The following COPA variants were observed in gnomAD, a reference collection of about 807,000 sequenced individuals.
The protein encoded by COPA is coat protein complex I subunit alpha, also known as coatomer subunit alpha.
A neutral mutation model predicts 158.7 loss-of-function variants in COPA; 10 were observed. That is an observed-to-expected ratio of 0.06 (90% CI 0.04 to 0.11). The LOEUF is 0.11. COPA is among the 10% of genes least tolerant of loss of function. COPA has a pLI of 1.00. For synonymous variants in COPA, 462 were observed against 542.8 expected (o/e 0.85, Z 2.07); for missense variants, 1,065 against 1,536.7 (o/e 0.69, Z 5.13).
Position 160,298,971 on chromosome 1 carries a change from A to G in COPA, c.1851T>C (p.Asn617=). The G allele has an allele frequency of 6.2e-7, 1 of 1,614,160 alleles. No homozygotes were observed. Among genetic ancestry groups the G allele is most frequent in the South Asian group, 1.1e-5 (1 of 91,080 alleles). ...TAATAGACTGGCCAACTAGTTTGGC[A>G]TTCCTCACCATGTGCAGTACCTAGA... ...KYDEVLHMVR[N]AKLVGQSIIA... Residue 617 remains asparagine (N), a synonymous_variant, in exon 19 of 33, where the codon AAT becomes AAC. Coordinates refer to ENST00000241704, the MANE Select transcript of COPA (RefSeq NM_004371.4).
intron 31 of COPA, 30 bp from the exon 32 acceptor site, chr1:160,290,716 C>A (rs766239419): frequency 8.7e-6 from 14 of 1,600,922 alleles, no homozygotes; most frequent in Non-Finnish European, 1.2e-5. Flanking sequence ...TTTAGGAGGA[C>A]AGAAGGCTGC....
chr1:160,313,839 T>C (rs571862166), intron 9 of COPA, 151 bp downstream of exon 9: 5 of 619,718 alleles, frequency 8.1e-6, no homozygotes, highest in East Asian at 3.3e-5. Context: ...TTTGTAAATG[T>C]TGACTGATCT....
intron 17 of COPA, among the ~76,000 whole-genome samples, chr1:160,300,392 T>TAAATAAAA (rs59640389): frequency 6.8e-6 from 1 of 146,028 alleles, no homozygotes; most frequent in African/African-American, 2.5e-5. Flanking sequence ...AATAAATAAA[T>TAAATAAAA]AGAAGGATCA....
intron 3 of COPA, 102 bp downstream of exon 3, chr1:160,339,807 C>T (rs1647950858): frequency 9.6e-7 from 1 of 1,041,764 alleles, no homozygotes; most frequent in Non-Finnish European, 1.5e-6. Context: ...AAGGCCTGAG[C>T]TCTGTATGAA....
At chr1:160,294,379 G>A (rs1360068316) in intron 25 of COPA, 105 bp downstream of exon 25, 1 of 927,002 alleles carries the variant, frequency 1.1e-6, no homozygotes. Flanking sequence ...GATAGTGGTA[G>A]GGGATAGGAT....
chr1:160,296,763 C>T (rs1658432771), intron 21 of COPA, among the ~76,000 whole-genome samples: 1 of 152,174 alleles, frequency 6.6e-6, no homozygotes, highest in African/African-American at 2.4e-5. Flanking sequence ...TCCATCCGTG[C>T]TGAGAACCTT....
intron 6 of COPA, among the ~76,000 whole-genome samples, chr1:160,327,262 C>T (rs181567404): frequency 9.2e-5 from 14 of 152,294 alleles, no homozygotes; most frequent in African/African-American, 3.4e-4. Flanking sequence ...AAAGGCTGGG[C>T]GCAGTGGCTC....
At chr1:160,331,843 G>C (rs1012785057) in intron 6 of COPA, among the ~76,000 whole-genome samples, 1 of 151,912 alleles carries the variant, frequency 6.6e-6, no homozygotes, top group Non-Finnish European at 1.5e-5. Flanking sequence ...AGCTACTCAG[G>C]AGGCTGAGGG....
At chr1:160,307,065 C>CG (rs1307666066) in intron 14 of COPA, 98 bp downstream of exon 14, 20 of 1,199,434 alleles carry the variant, frequency 1.7e-5, no homozygotes, top group African/African-American at 1.2e-4. Context: ...CACGGCTGCC[C>CG]GGGGGAGAAC....
intron 17 of COPA, 57 bp downstream of exon 17, chr1:160,305,376 G>A (rs1028489601): frequency 1.3e-6 from 2 of 1,562,034 alleles, no homozygotes; most frequent in Admixed American, 3.4e-5. Context: ...CTCAAGACAA[G>A]ACAGTGATTT....
chr1:160,343,020 G>C, intron 1 of COPA, 111 bp downstream of exon 1: 1 of 1,298,704 alleles, frequency 7.7e-7, no homozygotes, highest in Non-Finnish European at 1.1e-6. Context: ...CTTCCTCCGG[G>C]TCCGTCTGGT....
In COPA at chr1:160,290,683, G is replaced by C; in HGVS notation, c.3424C>G (p.Arg1142Gly). Residue 1142 changes from arginine to glycine, a missense_variant, in exon 32 of 33, where the codon CGA (arginine) becomes GGA (glycine). Transcript: ENST00000241704. ...GPKPEVAQQT[R>G]KILSACEKNP... ...TTCTCACAGGCAGACAGGATTTTTC[G>C]GGTCTAGGGGAAGGAAGGAGTATTT... 1 of 1,613,868 alleles carries C rather than the reference G, an allele frequency of 6.2e-7. No homozygotes were observed. The highest frequency in any genetic ancestry group is 2.2e-5 in the East Asian group (1 of 44,884).
chr1:160,304,423 T>TG, intron 17 of COPA, among the ~76,000 whole-genome samples: 1 of 151,764 alleles, frequency 6.6e-6, no homozygotes, highest in East Asian at 2.0e-4. Flanking sequence ...CCCAGCACTT[T>TG]GGGGGGCCAA....
intron 1 of COPA, among the ~76,000 whole-genome samples, chr1:160,341,851 A>G (rs1384742262): frequency 6.6e-6 from 1 of 152,178 alleles, no homozygotes; most frequent in Non-Finnish European, 1.5e-5. Flanking sequence ...ACACTCAACA[A>G]TGGATGTTTG....
intron 27 of COPA, 22 bp from the exon 28 acceptor site, chr1:160,292,642 A>T: frequency 1.3e-6 from 2 of 1,565,666 alleles, no homozygotes; most frequent in Non-Finnish European, 1.7e-6. Context: ...GGAAAGAAAC[A>T]AGGATTTTGG....
chr1:160,316,271 T>G (rs991863851), intron 8 of COPA, among the ~76,000 whole-genome samples: 1 of 151,396 alleles, frequency 6.6e-6, no homozygotes, highest in Non-Finnish European at 1.5e-5. Context: ...GGCAGGAGAA[T>G]CACTTGAACC....
Position 160,343,153 on chromosome 1 carries a change from C to A in COPA, c.18G>T (p.Glu6Asp). The change falls in exon 1 of 33, where the codon GAG (glutamate) becomes GAT (aspartate). Residue 6 changes from glutamate (E) to aspartate (D), a missense_variant. Around this residue, in one of 2 missense-constraint regions of COPA, gnomAD observed 85 missense variants for 178.9 expected, o/e 0.48. Transcript: ENST00000241704. Reference sequence around the variant, plus strand: ...TACCTTTGACCCGCGCGCTCTTGGTCTCGAATTTGGTTAACATCTCTCAGG... The same window carrying A: ...TACCTTTGACCCGCGCGCTCTTGGTATCGAATTTGGTTAACATCTCTCAGG... MLTKF[E>D]TKSARVKGLS... is the part of the protein sequence containing the mutation. 6.2e-7 allele frequency: 1 copy of A among 1,614,198 alleles called. No individual in the cohort carries two copies. Among genetic ancestry groups the A allele is most frequent in the South Asian group, 1.1e-5 (1 of 91,070 alleles).
At chr1:160,321,381 T>C (rs1362089312) in intron 8 of COPA, among the ~76,000 whole-genome samples, 1 of 152,112 alleles carries the variant, frequency 6.6e-6, no homozygotes, top group Non-Finnish European at 1.5e-5. Flanking sequence ...GACAAACAAA[T>C]TGGAAAAATT....
Position 160,325,597 on chromosome 1 carries a change from T to C in COPA, c.552A>G (p.Ile184Met), listed in dbSNP as rs1365755608. 6.2e-7 allele frequency: 1 copy of C among 1,614,200 alleles called. No individual in the cohort carries two copies. Among genetic ancestry groups the C allele is most frequent in the East Asian group, 2.2e-5 (1 of 44,890 alleles). Residue 184 changes from isoleucine (I) to methionine (M), a missense_variant, in exon 7 of 33, where the codon ATA (isoleucine) becomes ATG (methionine). Physicochemically the swap from Ile to Met is conservative, Grantham distance 10. Transcript: ENST00000241704. ...PGAVESDVRGITGVDLFGTTD... is the reference protein window; with the variant it reads ...PGAVESDVRGMTGVDLFGTTD... ...TAGTTCCAAATAGATCAACCCCAGT[T>C]ATTCCTCTCACATCCGATTCCACCG...
Sources: allele counts gnomAD v4.1 joint callset (sites outside exome capture counted in the v4.1 genomes callset), GRCh38; gene constraint gnomAD v4.1.1; regional missense constraint gnomAD v4.1.1; transcripts MANE v1.5; gene names NCBI Gene and HGNC (gene_info 2026-07-23, HGNC 2026-07-21).